NEDD4: variants seen among roughly 807,000 people sequenced by gnomAD.
NEDD4 encodes NEDD4 E3 ubiquitin protein ligase, also known as E3 ubiquitin-protein ligase NEDD4.
Under a neutral mutation model 144.9 loss-of-function variants are expected in NEDD4, and 99 were observed. The ratio of observed to expected loss-of-function variants is 0.68; its 90% CI spans 0.58 to 0.81. The LOEUF (loss-of-function observed/expected upper bound fraction) is 0.81, where lower values mean the gene tolerates loss of function less well. Ranked by LOEUF, NEDD4 falls within the 30% of genes least tolerant of loss-of-function variation. The pLI is 0.00. For synonymous variants in NEDD4, 318 were observed against 350.6 expected (o/e 0.91, Z 1.04); for missense variants, 985 against 1,065.9 (o/e 0.92, Z 1.06).
At chr15:55,947,940 A>G (rs1286009739) in intron 4 of NEDD4, among the ~76,000 whole-genome samples, 1 of 152,196 alleles carries the variant, frequency 6.6e-6, no homozygotes, top group Non-Finnish European at 1.5e-5. Context: ...TAGTGTTAGA[A>G]GTTCTGGCCA....
chr15:55,974,940 T>A (rs865918322), intron 1 of NEDD4, among the ~76,000 whole-genome samples: 3 of 139,738 alleles, frequency 2.1e-5, no homozygotes, highest in African/African-American at 8.1e-5. Flanking sequence ...TCACCCAGGC[T>A]GGAGTGCAGT....
At chr15:55,907,901 G>T (rs16976645) in intron 5 of NEDD4, among the ~76,000 whole-genome samples, 3,175 of 152,252 alleles carry the variant, frequency 0.021, 112 homozygotes, top group African/African-American at 0.072. Context: ...GTACCAGTTA[G>T]TGGAATATGT....
chr15:55,974,701 G>C (rs2142344365), intron 1 of NEDD4, among the ~76,000 whole-genome samples: 1 of 150,012 alleles, frequency 6.7e-6, no homozygotes, highest in East Asian at 2.0e-4. Context: ...AAAAGTATTT[G>C]ATAAATTTCA....
intron 5 of NEDD4, among the ~76,000 whole-genome samples, chr15:55,889,359 G>A (rs1275619586): frequency 7.2e-5 from 11 of 152,032 alleles, no homozygotes; most frequent in African/African-American, 2.7e-4. Context: ...AAGAAAATAC[G>A]GTACATATAC....
intron 5 of NEDD4, among the ~76,000 whole-genome samples, chr15:55,910,770 C>A (rs968121468): frequency 6.6e-6 from 1 of 152,152 alleles, no homozygotes; most frequent in Non-Finnish European, 1.5e-5. Context: ...CAATCTGGCC[C>A]CTCTCCTGAA....
At chr15:55,879,302 T>C (rs1340319495) in intron 5 of NEDD4, among the ~76,000 whole-genome samples, 1 of 152,172 alleles carries the variant, frequency 6.6e-6, no homozygotes, top group African/African-American at 2.4e-5. Flanking sequence ...AACTCCTTTG[T>C]TTCACTTGGC....
At chr15:55,975,252 T>C (rs1250097410) in intron 1 of NEDD4, among the ~76,000 whole-genome samples, 1 of 151,976 alleles carries the variant, frequency 6.6e-6, no homozygotes, top group Non-Finnish European at 1.5e-5. Context: ...AGAAATCAGA[T>C]AAGAAAAAGA....
At chr15:55,865,262 G>T (rs1399873318) in intron 8 of NEDD4, among the ~76,000 whole-genome samples, 1 of 150,732 alleles carries the variant, frequency 6.6e-6, no homozygotes, top group Non-Finnish European at 1.5e-5. Flanking sequence ...TGAAATCTGT[G>T]GCAAAATACG....
chr15:55,906,123 C>T (rs544977666), intron 5 of NEDD4, among the ~76,000 whole-genome samples: 2 of 152,192 alleles, frequency 1.3e-5, no homozygotes, highest in South Asian at 2.1e-4. Context: ...ATTAAAAAGT[C>T]AGGAAACAAC....
At chr15:55,964,571 C>G (rs1218131865) in intron 2 of NEDD4, among the ~76,000 whole-genome samples, 2 of 150,900 alleles carry the variant, frequency 1.3e-5, no homozygotes, top group Non-Finnish European at 2.9e-5. Context: ...TTTCCTGGTT[C>G]TTTTTAGATA....
intron 4 of NEDD4, among the ~76,000 whole-genome samples, chr15:55,931,902 C>T (rs1444677306): frequency 6.6e-6 from 1 of 152,182 alleles, no homozygotes; most frequent in Non-Finnish European, 1.5e-5. Flanking sequence ...TTTTAACAGA[C>T]ACTCCCCATT....
intron 5 of NEDD4, among the ~76,000 whole-genome samples, chr15:55,901,827 T>C (rs2035923479): frequency 1.3e-5 from 2 of 152,126 alleles, no homozygotes; most frequent in South Asian, 4.1e-4. Context: ...AGGTAGATAA[T>C]GAGAGCTACT....
At chr15:55,950,582 G>A (rs890807951) in intron 4 of NEDD4, among the ~76,000 whole-genome samples, 1 of 152,202 alleles carries the variant, frequency 6.6e-6, no homozygotes, top group Non-Finnish European at 1.5e-5. Context: ...CTTGGCAGCA[G>A]GGAAGTCACT....
rs1378121561 is a variant in NEDD4 at position 55,829,821 on chromosome 15, T to A, written c.*76A>T. The A allele has an allele frequency of 4.6e-6, 5 of 1,085,674 alleles. No homozygotes were observed. Among genetic ancestry groups the A allele is most frequent in the Non-Finnish European group, 4.0e-6 (3 of 744,876 alleles). The allele number at this position is 1,085,674 out of a possible 1,614,324, so 67.3% of individuals were successfully genotyped here. On this transcript the variant is annotated 3_prime_UTR_variant, in exon 29 of 29. Transcript: ENST00000435532. ...GACTCAGTGGCCACATTTTAGTAGT[T>A]CCCCGGAAAATTTTAAGTCAAGATT... is the stretch of plus-strand genomic sequence containing the variant.
intron 18 of NEDD4, among the ~76,000 whole-genome samples, chr15:55,843,482 C>T (rs1156480033): frequency 6.6e-6 from 1 of 152,146 alleles, no homozygotes; most frequent in Non-Finnish European, 1.5e-5. Context: ...ATGCTTTAGG[C>T]AGAACTTATT....
At chr15:55,991,231 A>G (rs184796643) in intron 1 of NEDD4, among the ~76,000 whole-genome samples, 5 of 152,226 alleles carry the variant, frequency 3.3e-5, no homozygotes, top group Admixed American at 2.0e-4. Flanking sequence ...TTTCCAGACT[A>G]GTCTGTGAGT....
chr15:55,926,492 G>A (rs972777945), intron 4 of NEDD4, among the ~76,000 whole-genome samples: 30 of 152,286 alleles, frequency 2.0e-4, no homozygotes, highest in Middle Eastern at 6.8e-3. Context: ...TAAGACGGCC[G>A]GATGTGCTGG....
intron 1 of NEDD4, chr15:55,991,909 CAG>C (rs1364520074): frequency 1.3e-5 from 2 of 152,210 alleles, no homozygotes; most frequent in African/African-American, 4.8e-5. Context: ...AGGGAGAAAA[CAG>C]ATGGTGAATG....
At chr15:55,843,203 A>G (rs1381876902) in intron 18 of NEDD4, among the ~76,000 whole-genome samples, 1 of 152,166 alleles carries the variant, frequency 6.6e-6, no homozygotes, top group Non-Finnish European at 1.5e-5. Flanking sequence ...CCTTTTGTAA[A>G]TTGCCTGGTC....
Sources: gnomAD v4.1 joint callset for allele counts (sites outside exome capture counted in the v4.1 genomes callset) on GRCh38, gnomAD v4.1.1 for gene constraint, MANE v1.5 for transcripts, NCBI Gene and HGNC (gene_info 2026-07-23, HGNC 2026-07-21) for gene names.